TAF3: variants seen among roughly 807,000 people sequenced by gnomAD.
TAF3 encodes transcription initiation factor TFIID subunit 3.
Under a neutral mutation model 80.6 loss-of-function variants are expected in TAF3, and 7 were observed. The ratio of observed to expected loss-of-function variants is 0.09; its 90% CI spans 0.05 to 0.16. The LOEUF (loss-of-function observed/expected upper bound fraction) is 0.16. Among genes scored for constraint, TAF3 ranks in the 10% least tolerant of loss-of-function variants. The pLI is 1.00. For synonymous variants in TAF3, 444 were observed against 446.1 expected (o/e 1.00, Z 0.06); for missense variants, 921 against 1,140.2 (o/e 0.81, Z 2.77).
chr10:7,901,557 C>T (rs1309567879), intron 2 of TAF3, among the ~76,000 whole-genome samples: 1 of 152,150 alleles, frequency 6.6e-6, no homozygotes, highest in East Asian at 1.9e-4. Context: ...GTTTAGATGG[C>T]CAGTTCCATT....
chr10:7,973,342 G>A (rs1400797977), intron 3 of TAF3, among the ~76,000 whole-genome samples: 18 of 152,166 alleles, frequency 1.2e-4, no homozygotes, highest in African/African-American at 2.7e-4. Context: ...ATTGGAATGC[G>A]TACATGCTAG....
chr10:7,922,760 C>T (rs1171928043), intron 2 of TAF3, among the ~76,000 whole-genome samples: 1 of 152,028 alleles, frequency 6.6e-6, no homozygotes. Context: ...AAAAGGTATT[C>T]TGTTTTCAAG....
At chr10:7,864,406 A>G (rs922789020) in intron 2 of TAF3, among the ~76,000 whole-genome samples, 2 of 152,230 alleles carry the variant, frequency 1.3e-5, no homozygotes, top group Admixed American at 6.5e-5. Context: ...TAACAAATGC[A>G]TTGTGTCACA....
chr10:7,966,537 C>T, intron 3 of TAF3, among the ~76,000 whole-genome samples: 1 of 152,192 alleles, frequency 6.6e-6, no homozygotes, highest in Admixed American at 6.5e-5. Flanking sequence ...TCTTGGATTA[C>T]AGCAGCCGGC....
chr10:7,866,985 G>A (rs1200849399), intron 2 of TAF3, among the ~76,000 whole-genome samples: 2 of 152,182 alleles, frequency 1.3e-5, no homozygotes, highest in African/African-American at 4.8e-5. Flanking sequence ...TCGGCTGGGC[G>A]TGGTGGCTCA....
In TAF3 at chr10:7,896,294, C is replaced by T. The variant is rs563645377; in HGVS notation, c.410-67626C>T. Among the ~76,000 whole-genome samples, 3 of 152,282 alleles carry T rather than the reference C, an allele frequency of 2.0e-5. No individual in the cohort carries two copies. In the East Asian group the frequency reaches 5.8e-4, roughly 29 times the overall value. On this transcript the variant is annotated intron_variant, in intron 2 of 6. Transcript: ENST00000344293. ...TCCGTGAATGGGGGGAAAACGTAGA[C>T]CAAAACCAATTCTTGCCAGAACCGT...
In TAF3 at chr10:7,965,271, C is replaced by T; in HGVS notation, c.1761C>T (p.Pro587=). 6.2e-7 allele frequency: 1 copy of T among 1,608,344 alleles called. No homozygotes were observed. The highest frequency in any genetic ancestry group is 2.2e-5 in the East Asian group (1 of 44,850). ...KEFLKEEEAD[P]YKFKIKEFED... is the part of the protein sequence containing the mutation. ...TTCTTAAAGAGGAAGAGGCAGATCC[C>T]TACAAGTTTAAAATCAAAGAATTTG... Residue 587 remains proline (P), a synonymous_variant, in exon 3 of 7, where the codon CCC becomes CCT. Transcript: ENST00000344293.
chr10:7,822,009 C>T (rs1375700369), intron 1 of TAF3, among the ~76,000 whole-genome samples: 1 of 152,070 alleles, frequency 6.6e-6, no homozygotes, highest in Non-Finnish European at 1.5e-5. Context: ...GTAAAATGTT[C>T]AACAGAGTGA....
At chr10:7,920,378 T>TC (rs1427177153) in intron 2 of TAF3, among the ~76,000 whole-genome samples, 1 of 151,254 alleles carries the variant, frequency 6.6e-6, no homozygotes, top group Non-Finnish European at 1.5e-5. Flanking sequence ...TTGAGTTTTT[T>TC]CCCCTACTAG....
At chr10:7,851,446 G>A (rs1293055600) in intron 2 of TAF3, among the ~76,000 whole-genome samples, 1 of 152,228 alleles carries the variant, frequency 6.6e-6, no homozygotes, top group Non-Finnish European at 1.5e-5. Flanking sequence ...GGCAGGCCTT[G>A]TGGCAGGAGT....
intron 3 of TAF3, among the ~76,000 whole-genome samples, chr10:7,966,324 T>C (rs1363164227): frequency 6.6e-6 from 1 of 152,258 alleles, no homozygotes; most frequent in African/African-American, 2.4e-5. Context: ...TTTCTGAGTA[T>C]CTAGGCTGAT....
intron 2 of TAF3, among the ~76,000 whole-genome samples, chr10:7,824,779 C>T (rs1836725154): frequency 6.6e-6 from 1 of 152,200 alleles, no homozygotes; most frequent in African/African-American, 2.4e-5. Context: ...GCATTTATCT[C>T]CTTTGTAAAG....
At chr10:7,946,850 T>C (rs771358585) in intron 2 of TAF3, among the ~76,000 whole-genome samples, 8 of 152,252 alleles carry the variant, frequency 5.3e-5, no homozygotes, top group Non-Finnish European at 1.0e-4. Context: ...TTTTTTTGTA[T>C]ATTTGATGCT....
chr10:7,919,421 C>T (rs1330720574), intron 2 of TAF3, among the ~76,000 whole-genome samples: 1 of 152,126 alleles, frequency 6.6e-6, no homozygotes, highest in East Asian at 1.9e-4. Flanking sequence ...GGTCATTGTA[C>T]ACGTGAGCAA....
chr10:7,900,029 AT>A (rs1330547446), intron 2 of TAF3, among the ~76,000 whole-genome samples: 1 of 152,066 alleles, frequency 6.6e-6, no homozygotes, highest in Non-Finnish European at 1.5e-5. Flanking sequence ...CTCCCTTCTT[AT>A]TTGCCTCCCC....
chr10:7,915,978 A>T (rs1160987191), intron 2 of TAF3, among the ~76,000 whole-genome samples: 1 of 151,974 alleles, frequency 6.6e-6, no homozygotes, highest in Non-Finnish European at 1.5e-5. Context: ...ACTGTCTAAA[A>T]AAAAAGAAAA....
chr10:7,882,613 C>G (rs992990282), intron 2 of TAF3, among the ~76,000 whole-genome samples: 1 of 152,132 alleles, frequency 6.6e-6, no homozygotes, highest in Non-Finnish European at 1.5e-5. Context: ...TACTTGGACT[C>G]AACATAAGGA....
intron 2 of TAF3, among the ~76,000 whole-genome samples, chr10:7,944,606 C>T (rs1480924651): frequency 2.0e-5 from 3 of 151,980 alleles, no homozygotes; most frequent in African/African-American, 7.3e-5. Flanking sequence ...TTCAAATGTA[C>T]CATAGTTATT....
At chr10:7,995,478 C>G (rs1245471694) in intron 4 of TAF3, among the ~76,000 whole-genome samples, 1 of 152,086 alleles carries the variant, frequency 6.6e-6, no homozygotes, top group African/African-American at 2.4e-5. Flanking sequence ...TCTAGTGTAT[C>G]TCATTGCAAA....
Sources: gnomAD v4.1 joint callset for allele counts (sites outside exome capture counted in the v4.1 genomes callset) on GRCh38, gnomAD v4.1.1 for gene constraint, MANE v1.5 for transcripts, NCBI Gene and HGNC (gene_info 2026-07-23, HGNC 2026-07-21) for gene names.